Variants in ASIC2 observed in about 807,000 individuals in gnomAD.
The protein encoded by ASIC2 is acid sensing ion channel subunit 2.
Under a neutral mutation model 57.3 loss-of-function variants are expected in ASIC2, and 25 were observed. The observed-to-expected ratio is 0.44, with a 90% CI of 0.32 to 0.61. The LOEUF (loss-of-function observed/expected upper bound fraction) is 0.61, where lower values mean the gene tolerates loss of function less well. Ranked by LOEUF, ASIC2 falls within the 20% of genes least tolerant of loss-of-function variation. The pLI is 0.06. For missense variants in ASIC2, 641 were observed against 738.1 expected (o/e 0.87, Z 1.52); for synonymous variants, 319 against 307.5 (o/e 1.04, Z -0.39).
intron 1 of ASIC2, among the ~76,000 whole-genome samples, chr17:33,443,580 AT>A (rs58596344): frequency 0.73 from 105,356 of 144,072 alleles, 39,039 homozygotes; most frequent in Middle Eastern, 0.79. Flanking sequence ...CGCCCGGCTA[AT>A]TTTTTTTTGT....
chr17:34,048,400 G>A (rs907630926), intron 1 of ASIC2, among the ~76,000 whole-genome samples: 1 of 152,076 alleles, frequency 6.6e-6, no homozygotes, highest in Non-Finnish European at 1.5e-5. Context: ...AGTTGAACTC[G>A]GTAGCTTGCA....
At chr17:33,014,941 G>C (rs1024854272) in intron 9 of ASIC2, among the ~76,000 whole-genome samples, 1 of 152,186 alleles carries the variant, frequency 6.6e-6, no homozygotes, top group Non-Finnish European at 1.5e-5. Flanking sequence ...GCTTAGACAG[G>C]TTTAATATGT....
chr17:33,283,785 A>G (rs1303364918), intron 1 of ASIC2, among the ~76,000 whole-genome samples: 3 of 152,178 alleles, frequency 2.0e-5, no homozygotes, highest in Admixed American at 2.0e-4. Context: ...TGCTGCAGAG[A>G]TAGCAACGTA....
chr17:33,097,448 C>T (rs1386140252), intron 2 of ASIC2, among the ~76,000 whole-genome samples: 4 of 152,232 alleles, frequency 2.6e-5, no homozygotes, highest in East Asian at 1.9e-4. Context: ...CATTGACTCA[C>T]GGCTGCGTAG....
chr17:33,437,292 T>C (rs1248700222), intron 1 of ASIC2, among the ~76,000 whole-genome samples: 1 of 152,160 alleles, frequency 6.6e-6, no homozygotes, highest in Non-Finnish European at 1.5e-5. Flanking sequence ...GACCACAACA[T>C]ACCAACATTT....
At chr17:33,647,849 C>T (rs1396233286) in intron 1 of ASIC2, among the ~76,000 whole-genome samples, 1 of 152,184 alleles carries the variant, frequency 6.6e-6, no homozygotes, top group African/African-American at 2.4e-5. Flanking sequence ...TGGGCTACTG[C>T]TCATAGTGCA....
At chr17:33,791,596 G>A (rs988723075) in intron 1 of ASIC2, among the ~76,000 whole-genome samples, 5 of 152,100 alleles carry the variant, frequency 3.3e-5, no homozygotes, top group Non-Finnish European at 5.9e-5. Context: ...CCCCAAACCT[G>A]TATATAACAA....
intron 1 of ASIC2, among the ~76,000 whole-genome samples, chr17:33,343,286 T>C (rs571400190): frequency 1.3e-5 from 2 of 152,294 alleles, no homozygotes; most frequent in Admixed American, 1.3e-4. Context: ...ACAAAGTCCC[T>C]TTATTCTTCT....
chr17:34,155,950 C>A, intron 1 of ASIC2: 1 of 1,576,482 alleles, frequency 6.3e-7, no homozygotes, highest in Non-Finnish European at 8.6e-7. Context: ...GAGGACCAGA[C>A]AGAGTGAGCT....
chr17:33,850,133 C>T (rs1413631588), intron 1 of ASIC2, among the ~76,000 whole-genome samples: 1 of 152,130 alleles, frequency 6.6e-6, no homozygotes, highest in East Asian at 1.9e-4. Flanking sequence ...CAGGTGCTCA[C>T]AAAATCAGGG....
intron 1 of ASIC2, among the ~76,000 whole-genome samples, chr17:33,616,377 G>A (rs1268805046): frequency 2.0e-5 from 3 of 152,152 alleles, no homozygotes; most frequent in African/African-American, 7.2e-5. Context: ...CAGTGTATAC[G>A]ATATATGCAT....
At chr17:33,302,982 G>A (rs2142196125) in intron 1 of ASIC2, among the ~76,000 whole-genome samples, 1 of 152,254 alleles carries the variant, frequency 6.6e-6, no homozygotes. Context: ...AAATCGTAAT[G>A]GCCATAATCC....
At chr17:33,441,791 T>C (rs1911831616) in intron 1 of ASIC2, among the ~76,000 whole-genome samples, 1 of 152,198 alleles carries the variant, frequency 6.6e-6, no homozygotes, top group Non-Finnish European at 1.5e-5. Flanking sequence ...TGTCCAATCA[T>C]ACTTCTGCAC....
intron 1 of ASIC2, among the ~76,000 whole-genome samples, chr17:33,938,743 A>G (rs2141977011): frequency 6.6e-6 from 1 of 152,266 alleles, no homozygotes; most frequent in Admixed American, 6.5e-5. Flanking sequence ...TAGGTGCTCA[A>G]TTAATTCTCA....
intron 1 of ASIC2, among the ~76,000 whole-genome samples, chr17:33,432,946 C>T (rs1249364949): frequency 6.6e-6 from 1 of 152,112 alleles, no homozygotes. Flanking sequence ...ACTTACGCAC[C>T]GTTGGTGGGA....
At chr17:33,064,412 T>C (rs1205407238) in intron 3 of ASIC2, among the ~76,000 whole-genome samples, 1 of 152,234 alleles carries the variant, frequency 6.6e-6, no homozygotes, top group African/African-American at 2.4e-5. Context: ...TGTTGGAGTT[T>C]TCTGGAGGTC....
intron 1 of ASIC2, among the ~76,000 whole-genome samples, chr17:34,011,024 CAGACACATGCA>C (rs1906709858): frequency 3.7e-4 from 1 of 2,708 alleles, no homozygotes; most frequent in African/African-American, 1.1e-3. Context: ...ATGCCAAAGT[CAGACACATGCA>C]CACACACACA....
At chr17:34,093,989 G>A (rs1482240135) in intron 1 of ASIC2, among the ~76,000 whole-genome samples, 2 of 152,190 alleles carry the variant, frequency 1.3e-5, no homozygotes, top group African/African-American at 2.4e-5. Flanking sequence ...GCTTTTTAAT[G>A]CAGCGCACAT....
Position 33,661,324 on chromosome 17 carries a change from G to T in ASIC2, c.555+494654C>A, listed in dbSNP as rs139359662. On this transcript the variant is annotated intron_variant, in intron 1 of 9. Coordinates refer to the ASIC2 transcript ENST00000359872. Reference sequence around the variant, plus strand: ...GTTATACTCTTCAAGAAGGTAGTTCGTTTTGCATCGTGGAAGGAGCACTAA... The same window carrying T: ...GTTATACTCTTCAAGAAGGTAGTTCTTTTTGCATCGTGGAAGGAGCACTAA... 2.3e-3 allele frequency among the ~76,000 whole-genome samples: 352 copies of T among 152,314 alleles called. 4 individuals carry two copies. The highest frequency in any genetic ancestry group is 8.2e-3 in the African/African-American group (342 of 41,576).
Sources: allele counts gnomAD v4.1 joint callset (sites outside exome capture counted in the v4.1 genomes callset), GRCh38; gene constraint gnomAD v4.1.1; transcripts MANE v1.5; gene names NCBI Gene and HGNC (gene_info 2026-07-23, HGNC 2026-07-21).